The following SLCO3A1 variants were observed in gnomAD, a reference collection of about 807,000 sequenced individuals.
SLCO3A1 encodes solute carrier organic anion transporter family member 3A1, also known as PGE1 transporter.
SLCO3A1 carries 27 observed loss-of-function variants against 63.1 expected under a neutral mutation model. The ratio of observed to expected loss-of-function variants is 0.43; its 90% CI spans 0.32 to 0.59. SLCO3A1 has a LOEUF of 0.59. SLCO3A1 is among the 20% of genes least tolerant of loss of function. The probability of loss-of-function intolerance (pLI) is 0.09; values close to 1 mark genes in which losing one functional copy is unlikely to be tolerated. For synonymous variants in SLCO3A1, 473 were observed against 409.9 expected (o/e 1.15, Z -1.86); for missense variants, 773 against 945.8 (o/e 0.82, Z 2.40).
At chr15:91,976,681 A>G (rs1901125414) in intron 2 of SLCO3A1, among the ~76,000 whole-genome samples, 1 of 152,178 alleles carries the variant, frequency 6.6e-6, no homozygotes, top group African/African-American at 2.4e-5. Flanking sequence ...ATAAAGGGAC[A>G]GAGTACAAAA....
intron 4 of SLCO3A1, among the ~76,000 whole-genome samples, chr15:92,116,172 C>G (rs2047792666): frequency 6.6e-6 from 1 of 152,162 alleles, no homozygotes; most frequent in African/African-American, 2.4e-5. Context: ...TTGCTGTGAG[C>G]ATTGTGGGAG....
At chr15:91,964,024 C>T (rs1028262373) in intron 2 of SLCO3A1, among the ~76,000 whole-genome samples, 1 of 152,132 alleles carries the variant, frequency 6.6e-6, no homozygotes, top group Non-Finnish European at 1.5e-5. Flanking sequence ...TAACTAGACC[C>T]AGAGCACTGA....
intron 9 of SLCO3A1, among the ~76,000 whole-genome samples, chr15:92,155,543 G>C (rs1010308473): frequency 6.6e-6 from 1 of 152,124 alleles, no homozygotes; most frequent in Non-Finnish European, 1.5e-5. Context: ...GGTTTCAGAT[G>C]GGAGAGTGAA....
Position 92,165,109 on chromosome 15 carries a change from A to T in SLCO3A1, c.*1974A>T. 1.0e-6 allele frequency: 1 copy of T among 985,426 alleles called. No individual in the cohort carries two copies. Among genetic ancestry groups the T allele is most frequent in the Non-Finnish European group, 1.2e-6 (1 of 829,892 alleles). 61.0% of individuals were successfully genotyped at this position (985,426 alleles called of 1,614,324 possible). ...TGAACATTGTAAATGAAGAGGCTTG[A>T]ATGACAGCCCAAATCTAGAGAAGGC... On this transcript the variant is annotated 3_prime_UTR_variant, in exon 10 of 10. Transcript: ENST00000318445.
At chr15:91,904,116 T>C (rs903034367) in intron 1 of SLCO3A1, among the ~76,000 whole-genome samples, 2 of 143,672 alleles carry the variant, frequency 1.4e-5, no homozygotes, top group African/African-American at 5.2e-5. Flanking sequence ...ATGCCCTCAC[T>C]TCCCCTTCCT....
intron 9 of SLCO3A1, chr15:92,162,485 A>G (rs1318006860): frequency 2.5e-6 from 1 of 402,940 alleles, no homozygotes; most frequent in Non-Finnish European, 4.4e-6. Flanking sequence ...CTTCACAGCC[A>G]TCTGGTGAAG....
rs866991854 is a variant in SLCO3A1 at position 92,146,026 on chromosome 15, G to C, written c.1513-958G>C. 2.6e-4 allele frequency among the ~76,000 whole-genome samples: 40 copies of C among 152,264 alleles called. 1 individual carries two copies. In the Middle Eastern group the frequency reaches 0.01, roughly 39 times the overall value. ...GAGGAGAACTGTAAAAGCCAGAGGG[G>C]ATTTATTTGACCCTCAGGAGGATTT... is the stretch of plus-strand genomic sequence containing the variant. On this transcript the variant is annotated intron_variant, in intron 7 of 9. Coordinates refer to ENST00000318445, the MANE Select transcript of SLCO3A1 (RefSeq NM_013272.4).
At chr15:91,970,253 A>G (rs1482592488) in intron 2 of SLCO3A1, among the ~76,000 whole-genome samples, 1 of 152,226 alleles carries the variant, frequency 6.6e-6, no homozygotes, top group Non-Finnish European at 1.5e-5. Flanking sequence ...ATTATTTAAA[A>G]TCTGGCCAGA....
At chr15:92,105,737 C>T (rs569501774) in intron 4 of SLCO3A1, among the ~76,000 whole-genome samples, 6 of 152,306 alleles carry the variant, frequency 3.9e-5, no homozygotes, top group Admixed American at 6.5e-5. Flanking sequence ...CAAGGTCAGG[C>T]ACTACTTCCC....
chr15:91,914,324 A>ACATCC (rs1167622050), intron 1 of SLCO3A1, among the ~76,000 whole-genome samples: 1 of 152,158 alleles, frequency 6.6e-6, no homozygotes, highest in Admixed American at 6.5e-5. Flanking sequence ...TTTAATCTTC[A>ACATCC]CATCCCTCCT....
chr15:91,935,657 G>A (rs1344516127), intron 2 of SLCO3A1, among the ~76,000 whole-genome samples: 1 of 152,218 alleles, frequency 6.6e-6, no homozygotes, highest in Non-Finnish European at 1.5e-5. Context: ...CTGGAGTGGT[G>A]AGTGGATGGG....
rs763625949 is a variant in SLCO3A1 at position 92,147,028 on chromosome 15, C to G, written c.1557C>G (p.Asn519Lys). Residue 519 changes from asparagine (N) to lysine (K), a missense_variant, in exon 8 of 10, where the codon AAC (asparagine) becomes AAG (lysine). By Grantham distance (94) the Asn-to-Lys change is moderately conservative. Transcript: ENST00000318445. Reference protein sequence around the residue: ...CACLTTVPAENATVVPGKCPS... With the variant: ...CACLTTVPAEKATVVPGKCPS... ...GCCTCACCACCGTCCCTGCTGAGAA[C>G]GCAACCGTGGTTCCTGGAAAATGCC... is the stretch of plus-strand genomic sequence containing the variant. 1 of 1,614,120 alleles carries G rather than the reference C, an allele frequency of 6.2e-7. No homozygotes were observed. Among genetic ancestry groups the G allele is most frequent in the South Asian group, 1.1e-5 (1 of 91,078 alleles).
intron 2 of SLCO3A1, among the ~76,000 whole-genome samples, chr15:92,029,489 C>T (rs1456986599): frequency 6.6e-6 from 1 of 152,190 alleles, no homozygotes; most frequent in African/African-American, 2.4e-5. Context: ...TAGTCAGTGC[C>T]TGGGCAAAGA....
intron 2 of SLCO3A1, among the ~76,000 whole-genome samples, chr15:91,923,164 A>T (rs994981884): frequency 6.6e-6 from 1 of 152,234 alleles, no homozygotes; most frequent in African/African-American, 2.4e-5. Flanking sequence ...CTACCTGGCC[A>T]GGCTTTCCAT....
intron 8 of SLCO3A1, 99 bp from the exon 9 acceptor site, chr15:92,150,851 G>A (rs1160316205): frequency 1.1e-5 from 8 of 721,356 alleles, no homozygotes; most frequent in Non-Finnish European, 1.8e-5. Flanking sequence ...TTCTAAAGAA[G>A]AGCTCTGATG....
At chr15:92,043,326 T>C (rs1247367408) in intron 2 of SLCO3A1, among the ~76,000 whole-genome samples, 1 of 152,214 alleles carries the variant, frequency 6.6e-6, no homozygotes, top group African/African-American at 2.4e-5. Flanking sequence ...GTCTCTTTAA[T>C]TGCAGGCCAT....
chr15:91,902,831 T>G (rs1484000297), intron 1 of SLCO3A1, among the ~76,000 whole-genome samples: 1 of 152,192 alleles, frequency 6.6e-6, no homozygotes, highest in Non-Finnish European at 1.5e-5. Flanking sequence ...ATCCTGACCC[T>G]GCCATTTGCA....
intron 2 of SLCO3A1, among the ~76,000 whole-genome samples, chr15:92,026,761 TGA>T (rs2046578840): frequency 6.6e-6 from 1 of 152,182 alleles, no homozygotes; most frequent in Non-Finnish European, 1.5e-5. Flanking sequence ...GGACAATTCA[TGA>T]GAGAGTGTAA....
chr15:91,863,957 G>A lies in SLCO3A1; in HGVS notation c.180+9869G>A, dbSNP rs1391208183. On this transcript the variant is annotated intron_variant, in intron 1 of 9. Transcript: ENST00000318445. This position sits in a 1 kb window ranked among gnomAD's most constrained non-coding sequence, Gnocchi z 4.3. ...ACCATTCCTTTACCTTTGCCAAGCTGTATACATGCATCAAGGAGATGCATA... is the reference window on the plus strand; with the variant it reads ...ACCATTCCTTTACCTTTGCCAAGCTATATACATGCATCAAGGAGATGCATA... Among the ~76,000 whole-genome samples, 2 of 152,232 alleles carry A rather than the reference G, an allele frequency of 1.3e-5. No homozygotes were observed. Among genetic ancestry groups the A allele is most frequent in the East Asian group, 3.8e-4 (2 of 5,200 alleles).
Sources: gnomAD v4.1 joint callset for allele counts (sites outside exome capture counted in the v4.1 genomes callset) on GRCh38, gnomAD v4.1.1 for gene constraint, Gnocchi (gnomAD v3.1) non-coding constraint, MANE v1.5 for transcripts, NCBI Gene and HGNC (gene_info 2026-07-23, HGNC 2026-07-21) for gene names.